KIAA0825: variants seen among roughly 807,000 people sequenced by gnomAD.
KIAA0825 encodes uncharacterized protein KIAA0825.
A neutral mutation model predicts 147.6 loss-of-function variants in KIAA0825; 119 were observed. The ratio of observed to expected loss-of-function variants is 0.81; its 90% CI spans 0.69 to 0.94. KIAA0825 has a LOEUF of 0.94. KIAA0825 is among the 40% of genes least tolerant of loss of function. The pLI is 0.00. For missense variants in KIAA0825, 1,381 were observed against 1,472.7 expected (o/e 0.94, Z 1.02); for synonymous variants, 470 against 518.1 (o/e 0.91, Z 1.26).
At chr5:94,322,798 G>C (rs1334590443) in intron 20 of KIAA0825, among the ~76,000 whole-genome samples, 1 of 151,666 alleles carries the variant, frequency 6.6e-6, no homozygotes, top group African/African-American at 2.4e-5. Flanking sequence ...AAGATACCTT[G>C]CACATAAATT....
chr5:94,207,682 T>G (rs924470430), intron 20 of KIAA0825, among the ~76,000 whole-genome samples: 3 of 152,162 alleles, frequency 2.0e-5, no homozygotes, highest in African/African-American at 7.2e-5. Context: ...TTAAAACAAT[T>G]ACAACATGGA....
intron 20 of KIAA0825, among the ~76,000 whole-genome samples, chr5:94,326,313 A>C (rs953735848): frequency 6.6e-6 from 1 of 152,118 alleles, no homozygotes; most frequent in African/African-American, 2.4e-5. Flanking sequence ...TCATTATTAT[A>C]ATTTTGTACA....
At position 94,189,619 on chromosome 5, in the gene KIAA0825, A is replaced by G. The variant is rs866210864; in HGVS notation, c.3711-35495T>C. On this transcript the variant is annotated intron_variant, in intron 20 of 20. Transcript: ENST00000682413. ...ATCTATTTCTAGACTCTTTATTAAG[A>G]TTCATTTTCCTATGAAAAAGTCCAT... 4.6e-5 allele frequency among the ~76,000 whole-genome samples: 7 copies of G among 152,242 alleles called. No homozygotes were observed. The South Asian group carries it at 1.2e-3, about 27-fold the overall frequency.
rs554675196 is a variant in KIAA0825 at position 94,291,644 on chromosome 5, T to G, written c.3710+92724A>C. Among the ~76,000 whole-genome samples, 18 of 152,280 alleles carry G rather than the reference T, an allele frequency of 1.2e-4. 1 individual carries two copies. The highest frequency in any genetic ancestry group is 3.9e-4 in the Admixed American group (6 of 15,294). ...TTTAAAATAGTTTTTTCAAATTCTG[T>G]GAAGAAAGTCAATGGTAGCTTGATG... On this transcript the variant is annotated intron_variant, in intron 20 of 20. Transcript: ENST00000682413.
intron 15 of KIAA0825, among the ~76,000 whole-genome samples, chr5:94,411,998 C>A (rs1752832381): frequency 6.6e-6 from 1 of 151,292 alleles, no homozygotes; most frequent in African/African-American, 2.4e-5. Flanking sequence ...AACCTCACTC[C>A]ATCAAAAGAC....
chr5:94,195,351 C>T (rs1015261693), intron 20 of KIAA0825, among the ~76,000 whole-genome samples: 47 of 152,128 alleles, frequency 3.1e-4, no homozygotes, highest in African/African-American at 9.9e-4. Flanking sequence ...CAATACAGAA[C>T]ACAAAAATGT....
chr5:94,347,262 G>C (rs757733302), intron 20 of KIAA0825, among the ~76,000 whole-genome samples: 20 of 152,314 alleles, frequency 1.3e-4, no homozygotes, highest in Non-Finnish European at 2.6e-4. Flanking sequence ...GGGAGTTCTA[G>C]GGCTCCGCCC....
Position 94,615,880 on chromosome 5 carries a change from A to T in KIAA0825, c.-153+2620T>A, listed in dbSNP as rs541826284. On this transcript the variant is annotated intron_variant, in intron 1 of 20. Coordinates refer to ENST00000682413, the MANE Select transcript of KIAA0825 (RefSeq NM_001145678.3). ...TCTGTTGTGCAGGCTAGAGTGCAGT[A>T]GTATGATCATAGTTCACTGTGACCT... Among the ~76,000 whole-genome samples the T allele has an allele frequency of 3.0e-4, 45 of 152,206 alleles. 1 individual carries two copies. The highest frequency in any genetic ancestry group is 1.0e-3 in the African/African-American group (43 of 41,552).
chr5:94,509,676 C>A (rs1432792708), intron 5 of KIAA0825, among the ~76,000 whole-genome samples: 1 of 152,150 alleles, frequency 6.6e-6, no homozygotes, highest in Non-Finnish European at 1.5e-5. Flanking sequence ...CAAATCTGTG[C>A]AGTAATAGCT....
intron 20 of KIAA0825, among the ~76,000 whole-genome samples, chr5:94,287,467 TTC>T (rs1777710662): frequency 1.3e-5 from 2 of 152,218 alleles, no homozygotes; most frequent in Non-Finnish European, 2.9e-5. Flanking sequence ...TATATTTTCT[TTC>T]TGTTTCAAAA....
chr5:94,513,169 G>C (rs1433589690), intron 5 of KIAA0825, among the ~76,000 whole-genome samples: 6 of 151,632 alleles, frequency 4.0e-5, no homozygotes, highest in African/African-American at 1.2e-4. Context: ...ATTTTCATTT[G>C]GATCTTAAAA....
At chr5:94,455,424 T>C (rs906379985) in intron 12 of KIAA0825, among the ~76,000 whole-genome samples, 12 of 152,150 alleles carry the variant, frequency 7.9e-5, no homozygotes, top group African/African-American at 2.2e-4. Context: ...TAGCTTAGCA[T>C]GCTGAGGGTA....
chr5:94,542,732 G>A (rs1773581428), intron 2 of KIAA0825, among the ~76,000 whole-genome samples: 1 of 151,992 alleles, frequency 6.6e-6, no homozygotes, highest in Non-Finnish European at 1.5e-5. Context: ...ACTTGAACCT[G>A]GGAGGCAGAG....
intron 20 of KIAA0825, among the ~76,000 whole-genome samples, chr5:94,256,709 C>T (rs1466111526): frequency 6.6e-6 from 1 of 152,084 alleles, no homozygotes; most frequent in African/African-American, 2.4e-5. Context: ...TGGCTTCTTC[C>T]TGCCAGATTA....
intron 20 of KIAA0825, among the ~76,000 whole-genome samples, chr5:94,311,755 C>T (rs1217474386): frequency 6.6e-6 from 1 of 151,706 alleles, no homozygotes; most frequent in Non-Finnish European, 1.5e-5. Flanking sequence ...CAACATCACT[C>T]ACTTCATCTT....
intron 20 of KIAA0825, among the ~76,000 whole-genome samples, chr5:94,331,932 TG>T (rs925545712): frequency 9.9e-5 from 15 of 151,660 alleles, no homozygotes; most frequent in African/African-American, 3.6e-4. Flanking sequence ...GGACCTTAGG[TG>T]GGTGGATCAC....
chr5:94,427,772 G>A (rs906836939), intron 14 of KIAA0825, among the ~76,000 whole-genome samples: 1 of 151,908 alleles, frequency 6.6e-6, no homozygotes, highest in Admixed American at 6.6e-5. Flanking sequence ...CACTATTTTT[G>A]TGTGGCTGTC....
In KIAA0825 at chr5:94,470,099, C is replaced by T; in HGVS notation, c.1734G>A (p.Leu578=). 2 of 1,551,282 alleles carry T rather than the reference C, an allele frequency of 1.3e-6. No homozygotes were observed. The highest frequency in any genetic ancestry group is 1.7e-6 in the Non-Finnish European group (2 of 1,146,822). The stretch of plus-strand genomic sequence containing the variant: ...ATTCCTGATATCGTTGGACAAGCAC[C>T]AGGAATATGGGTCTGTTCAGAGAGA... ...MKEMTKKPIF[L]VLVQRYQEFI... is the part of the protein sequence containing the mutation. The change falls in exon 10 of 21, where the codon CTG becomes CTA. Residue 578 remains leucine, a synonymous_variant. Transcript: ENST00000682413.
At chr5:94,312,013 T>C (rs780192783) in intron 20 of KIAA0825, among the ~76,000 whole-genome samples, 34 of 151,658 alleles carry the variant, frequency 2.2e-4, no homozygotes, top group Non-Finnish European at 4.3e-4. Context: ...CTCTCTCCAT[T>C]AGGCACATCT....
Sources: allele counts gnomAD v4.1 joint callset (sites outside exome capture counted in the v4.1 genomes callset), GRCh38; gene constraint gnomAD v4.1.1; transcripts MANE v1.5; gene names NCBI Gene and HGNC (gene_info 2026-07-23, HGNC 2026-07-21).